The following BMERB1 variants were observed in gnomAD, a reference collection of about 807,000 sequenced individuals.
BMERB1 encodes bMERB domain-containing protein 1.
In BMERB1, 12 loss-of-function variants were observed where a neutral mutation model predicts 23.6. That is an observed-to-expected ratio of 0.51 (90% CI 0.33 to 0.82). The LOEUF (loss-of-function observed/expected upper bound fraction) is 0.82. Ranked by LOEUF, BMERB1 falls within the 40% of genes least tolerant of loss-of-function variation. BMERB1 has a pLI of 0.03. For missense variants in BMERB1, 247 were observed against 255.4 expected (o/e 0.97, Z 0.22); for synonymous variants, 122 against 96.6 (o/e 1.26, Z -1.54).
chr16:15,443,899 G>A (rs1442657923), intron 1 of BMERB1, among the ~76,000 whole-genome samples: 2 of 151,828 alleles, frequency 1.3e-5, no homozygotes, highest in East Asian at 1.9e-4. Flanking sequence ...ACAACAGAGC[G>A]AGACTCTGTC....
chr16:15,515,262 A>T (rs1305321107), intron 1 of BMERB1, 43 bp from the exon 2 acceptor site: 1 of 1,611,368 alleles, frequency 6.2e-7, no homozygotes, highest in Non-Finnish European at 8.5e-7. Flanking sequence ...CCCATGGTGC[A>T]GCCTTGGGGT....
At position 15,446,529 on chromosome 16, in the gene BMERB1, A is replaced by G. The variant is rs183780317; in HGVS notation, c.106+11770A>G. Among the ~76,000 whole-genome samples, 3 of 152,296 alleles carry G rather than the reference A, an allele frequency of 2.0e-5. No individual in the cohort carries two copies. In the East Asian group the frequency reaches 5.8e-4, roughly 29 times the overall value. On this transcript the variant is annotated intron_variant, in intron 1 of 5. Transcript: ENST00000300006. ...GAGATGAGACACAATATAGCCATCT[A>G]TTGCATTTATTGTTCTATTTACAGA... is the stretch of plus-strand genomic sequence containing the variant.
Position 15,586,852 on chromosome 16 carries a change from C to T in BMERB1, c.*23C>T, listed in dbSNP as rs2031158971. On this transcript the variant is annotated 3_prime_UTR_variant, in exon 6 of 6. Transcript: ENST00000300006. The stretch of plus-strand genomic sequence containing the variant: ...TAGCCCCCACGTGGGGTGCCCTGGG[C>T]CATGGGGACCCCCCCCCACCCTCTT... 2.0e-6 allele frequency: 3 copies of T among 1,472,812 alleles called. No homozygotes were observed. The highest frequency in any genetic ancestry group is 2.8e-6 in the Non-Finnish European group (3 of 1,084,094). 91.2% of individuals were successfully genotyped at this position (1,472,812 alleles called of 1,614,324 possible). A position where few individuals can be genotyped will look rare whatever the true frequency, so the allele number is the denominator to read the frequency against.
chr16:15,444,303 T>A (rs1305913503), intron 1 of BMERB1, among the ~76,000 whole-genome samples: 1 of 151,668 alleles, frequency 6.6e-6, no homozygotes, highest in Non-Finnish European at 1.5e-5. Flanking sequence ...TCAATTCATT[T>A]CTTCACTATT....
chr16:15,488,436 A>AG (rs1422636272), intron 1 of BMERB1, among the ~76,000 whole-genome samples: 1 of 152,154 alleles, frequency 6.6e-6, no homozygotes. Flanking sequence ...GACAGCAGGC[A>AG]GGGGAGGTAC....
chr16:15,577,930 G>A (rs1048968854), intron 3 of BMERB1, among the ~76,000 whole-genome samples: 7 of 152,208 alleles, frequency 4.6e-5, no homozygotes, highest in African/African-American at 1.2e-4. Context: ...TCGGGAAACC[G>A]CTGATAACTT....
chr16:15,560,661 C>T (rs549689402), intron 2 of BMERB1, among the ~76,000 whole-genome samples: 8 of 151,936 alleles, frequency 5.3e-5, no homozygotes, highest in African/African-American at 9.6e-5. Context: ...GGTGTGGTGG[C>T]GCCTCCCTGT....
intron 1 of BMERB1, among the ~76,000 whole-genome samples, chr16:15,482,454 A>G (rs2051329849): frequency 6.6e-6 from 1 of 152,122 alleles, no homozygotes; most frequent in Non-Finnish European, 1.5e-5. Context: ...GTGGCTCTGA[A>G]TCCTGCATTG....
chr16:15,496,206 G>A (rs776344644), intron 1 of BMERB1, among the ~76,000 whole-genome samples: 1 of 152,094 alleles, frequency 6.6e-6, no homozygotes, highest in Non-Finnish European at 1.5e-5. Context: ...AGTGATAGTG[G>A]TGATGGTGAT....
intron 1 of BMERB1, among the ~76,000 whole-genome samples, chr16:15,437,485 T>A (rs1454874160): frequency 6.6e-6 from 1 of 152,236 alleles, no homozygotes; most frequent in African/African-American, 2.4e-5. Context: ...TTTTACTCTT[T>A]GCAAGGAATT....
rs560237440 is a variant in BMERB1, at chr16:15,460,429, A to T, written c.106+25670A>T. On this transcript the variant is annotated intron_variant, in intron 1 of 5. Coordinates refer to ENST00000300006, the MANE Select transcript of BMERB1 (RefSeq NM_033201.3). ...GCATACTTCAAGGGGACATTTAGAC[A>T]TTTTGCTCTGGGATGAGCAAAATCA... 4.0e-4 allele frequency among the ~76,000 whole-genome samples: 61 copies of T among 152,286 alleles called. No individual in the cohort carries two copies. In the Middle Eastern group the frequency reaches 0.024, roughly 59 times the overall value.
chr16:15,520,218 T>C (rs1391996498), intron 2 of BMERB1, among the ~76,000 whole-genome samples: 2 of 152,194 alleles, frequency 1.3e-5, no homozygotes, highest in African/African-American at 4.8e-5. Context: ...CCAAGGTGTC[T>C]GTCTCGTGGG....
chr16:15,557,587 A>G (rs751722931), intron 2 of BMERB1, among the ~76,000 whole-genome samples: 25 of 152,184 alleles, frequency 1.6e-4, no homozygotes, highest in Admixed American at 2.6e-4. Context: ...AGCTGCAAGT[A>G]ACACAGCGTC....
Position 15,489,571 on chromosome 16 carries a change from G to T in BMERB1, c.107-25734G>T, listed in dbSNP as rs2051399696. Among the ~76,000 whole-genome samples, 4 of 152,098 alleles carry T rather than the reference G, an allele frequency of 2.6e-5. No individual in the cohort carries two copies. In the South Asian group the frequency reaches 8.3e-4, roughly 32 times the overall value. On this transcript the variant is annotated intron_variant, in intron 1 of 5. Transcript: ENST00000300006. ...CTTGATTGAAATTTTGTTTGGGGAA[G>T]CAATGACCTGAAGAGCTTACAGCCT...
chr16:15,505,720 CTACTAAA>C (rs1296159156), intron 1 of BMERB1, among the ~76,000 whole-genome samples: 1 of 151,964 alleles, frequency 6.6e-6, no homozygotes. Flanking sequence ...AAACCCGTCT[CTACTAAA>C]AGTACAAAAA....
At chr16:15,515,160 A>G (rs899594255) in intron 1 of BMERB1, 145 bp from the exon 2 acceptor site, 13 of 1,053,962 alleles carry the variant, frequency 1.2e-5, no homozygotes, top group Non-Finnish European at 1.7e-5. Context: ...TGTGCTCACG[A>G]ATACACATTT....
intron 1 of BMERB1, among the ~76,000 whole-genome samples, chr16:15,451,031 G>C (rs956563853): frequency 1.3e-5 from 2 of 152,126 alleles, no homozygotes; most frequent in African/African-American, 4.8e-5. Flanking sequence ...CCAAGTGTGA[G>C]ATTTAAAGCC....
At chr16:15,532,544 CTTTTTTTTTT>C (rs58964968) in intron 2 of BMERB1, among the ~76,000 whole-genome samples, 5 of 91,834 alleles carry the variant, frequency 5.4e-5, no homozygotes, top group Non-Finnish European at 7.8e-5. Flanking sequence ...TTTTCTTTTT[CTTTTTTTTTT>C]TTTTTTTTTG....
At chr16:15,579,617 T>G (rs889048848) in intron 3 of BMERB1, among the ~76,000 whole-genome samples, 3 of 152,098 alleles carry the variant, frequency 2.0e-5, no homozygotes, top group Admixed American at 1.3e-4. Context: ...TGGGTTTAAG[T>G]TTTTGCCTCT....
Sources: gnomAD v4.1 joint callset for allele counts (sites outside exome capture counted in the v4.1 genomes callset) on GRCh38, gnomAD v4.1.1 for gene constraint, MANE v1.5 for transcripts, NCBI Gene and HGNC (gene_info 2026-07-23, HGNC 2026-07-21) for gene names.